Variants in TRMT9B observed in about 807,000 individuals in gnomAD.
TRMT9B encodes the protein probable tRNA methyltransferase 9B.
A neutral mutation model predicts 11.5 loss-of-function variants in TRMT9B; 16 were observed. The ratio of observed to expected loss-of-function variants is 1.39; its 90% CI spans 0.94 to 2.11. The LOEUF is 2.11. TRMT9B is among the 30% of genes most tolerant of loss of function. The pLI, the probability that TRMT9B is intolerant of heterozygous loss-of-function variation, is 0.00. For missense variants in TRMT9B, 941 were observed against 553.8 expected, an observed-to-expected ratio of 1.70 and a Z score of -7.02; for synonymous variants, 274 against 192.4, an observed-to-expected ratio of 1.42 and a Z score of -3.51.
rs1480290103 is a variant in TRMT9B at position 13,022,138 on chromosome 8, T to A, written c.*94T>A. ...CTGAATTTGCATTCAGTGTTATTTG[T>A]TAATCCATTTACGCTTTGGTCTGCA... On this transcript the variant is annotated 3_prime_UTR_variant, in exon 5 of 5. Transcript: ENST00000524591. The A allele has an allele frequency of 1.1e-6, 1 of 902,064 alleles. No homozygotes were observed. Among genetic ancestry groups the A allele is most frequent in the Non-Finnish European group, 1.7e-6 (1 of 599,684 alleles). 55.9% of individuals were successfully genotyped at this position (902,064 alleles called of 1,614,324 possible).
chr8:12,967,078 A>T (rs1295056265), intron 1 of TRMT9B, among the ~76,000 whole-genome samples: 1 of 152,212 alleles, frequency 6.6e-6, no homozygotes, highest in African/African-American at 2.4e-5. Context: ...TTAACAGTAC[A>T]CAAAATTCAA....
intron 3 of TRMT9B, chr8:13,012,340 GC>G: frequency 1.1e-6 from 1 of 920,134 alleles, no homozygotes; most frequent in East Asian, 1.1e-4. Context: ...ACTTTGGGAG[GC>G]CGAGGCAGGC....
intron 3 of TRMT9B, chr8:13,006,619 C>A (rs1278573976): frequency 8.0e-6 from 11 of 1,379,166 alleles, no homozygotes; most frequent in East Asian, 2.6e-5. Flanking sequence ...ACAGCAGAAA[C>A]TCGAGACAGT....
chr8:13,000,945 A>T (rs1205134291), intron 2 of TRMT9B, among the ~76,000 whole-genome samples: 1 of 152,108 alleles, frequency 6.6e-6, no homozygotes, highest in Non-Finnish European at 1.5e-5. Context: ...GTACTGTAAA[A>T]TGAACAGGTT....
chr8:12,984,302 G>C (rs1805902360), intron 1 of TRMT9B, among the ~76,000 whole-genome samples: 1 of 152,160 alleles, frequency 6.6e-6, no homozygotes, highest in Non-Finnish European at 1.5e-5. Context: ...AAGCACTTTG[G>C]TTAAGGGATA....
chr8:12,997,967 T>G (rs558726946), intron 2 of TRMT9B, among the ~76,000 whole-genome samples: 1 of 152,216 alleles, frequency 6.6e-6, no homozygotes, highest in East Asian at 1.9e-4. Context: ...GGGATCCTAT[T>G]GTGGCTTAAA....
Position 13,024,719 on chromosome 8 carries a change from T to G in TRMT9B, c.*2675T>G, listed in dbSNP as rs1014748622. The G allele has an allele frequency of 6.0e-6, 1 of 167,078 alleles. No individual in the cohort carries two copies. The highest frequency in any genetic ancestry group is 1.5e-5 in the Non-Finnish European group (1 of 68,130). 10.3% of individuals were successfully genotyped at this position (167,078 alleles called of 1,614,324 possible). Reference sequence around the variant, plus strand: ...GGTTCTTTGGAGAGAAATATTTTCATGTACGTTTGACAGGGGTGTAAATAA... The same window carrying G: ...GGTTCTTTGGAGAGAAATATTTTCAGGTACGTTTGACAGGGGTGTAAATAA... On this transcript the variant is annotated 3_prime_UTR_variant, in exon 5 of 5. Transcript: ENST00000524591.
At position 13,003,574 on chromosome 8, in the gene TRMT9B, T is replaced by C. The variant is rs746001532; in HGVS notation, c.-1-2628T>C. ...GTGGGTCATTGGGTATTATGGCTAA[T>C]GCTGAGGAAAGATGGTGAGAAATAA... is the stretch of plus-strand genomic sequence containing the variant. On this transcript the variant is annotated intron_variant, in intron 2 of 4. Coordinates refer to ENST00000524591, the MANE Select transcript of TRMT9B (RefSeq NM_020844.3). Among the ~76,000 whole-genome samples the C allele has an allele frequency of 2.0e-5, 3 of 151,978 alleles. 1 individual carries two copies. The highest frequency in any genetic ancestry group is 4.2e-4 in the South Asian group (2 of 4,814).
At chr8:12,997,407 C>G (rs1808560444) in intron 2 of TRMT9B, among the ~76,000 whole-genome samples, 3 of 152,100 alleles carry the variant, frequency 2.0e-5, no homozygotes, top group Admixed American at 2.0e-4. Context: ...TTCCTGAGGC[C>G]TCACCAGGAT....
chr8:12,952,768 C>A, intron 1 of TRMT9B: 1 of 776,994 alleles, frequency 1.3e-6, no homozygotes, highest in Non-Finnish European at 1.6e-6. Flanking sequence ...TTGACGGAGT[C>A]TCTCTCTGTC....
intron 1 of TRMT9B, chr8:12,970,294 T>C (rs1027205499): frequency 1.3e-5 from 2 of 152,272 alleles, no homozygotes; most frequent in Non-Finnish European, 2.9e-5. Context: ...CTGTTTTTTA[T>C]GTAAGCCTAT....
chr8:13,011,475 T>C, intron 3 of TRMT9B: 1 of 984,668 alleles, frequency 1.0e-6, no homozygotes, highest in Non-Finnish European at 1.2e-6. Context: ...GGTAGAAAAA[T>C]TTCATCAGTA....
chr8:12,985,528 C>G (rs544168196), intron 1 of TRMT9B, among the ~76,000 whole-genome samples: 1 of 152,280 alleles, frequency 6.6e-6, no homozygotes, highest in South Asian at 2.1e-4. Flanking sequence ...TATGCTTACC[C>G]CAGGCTGTGC....
rs1217570106 is a variant in TRMT9B at position 13,024,839 on chromosome 8, G to C, written c.*2795G>C. The C allele has an allele frequency of 6.0e-6, 1 of 166,906 alleles. No individual in the cohort carries two copies. Among genetic ancestry groups the C allele is most frequent in the African/African-American group, 2.4e-5 (1 of 41,424 alleles). The allele number at this position is 166,906 out of a possible 1,614,324, so 10.3% of individuals were successfully genotyped here. A position where few individuals can be genotyped will look rare whatever the true frequency, so the allele number is the denominator to read the frequency against. On this transcript the variant is annotated 3_prime_UTR_variant, in exon 5 of 5. Transcript: ENST00000524591. ...TTTGTATACAAATATTTAATTTGGT[G>C]ATTGATAATCTCTCTTTGGGGTAGT...
intron 1 of TRMT9B, among the ~76,000 whole-genome samples, chr8:12,950,922 C>T (rs1800557009): frequency 6.6e-6 from 1 of 152,188 alleles, no homozygotes; most frequent in Non-Finnish European, 1.5e-5. Context: ...AACCTCTATA[C>T]AAAGGGCGGC....
intron 3 of TRMT9B, chr8:13,010,284 G>T: frequency 1.1e-6 from 1 of 914,692 alleles, no homozygotes; most frequent in Non-Finnish European, 1.3e-6. Context: ...AATAAATAGG[G>T]TCATATTTTC....
At chr8:13,012,952 A>G (rs1811933340) in intron 4 of TRMT9B, 95 bp downstream of exon 4, 1 of 1,347,390 alleles carries the variant, frequency 7.4e-7, no homozygotes. Context: ...CTGTGTAGAA[A>G]TGTCAATGTA....
chr8:12,973,229 T>C (rs774035948), intron 1 of TRMT9B, among the ~76,000 whole-genome samples: 1 of 152,162 alleles, frequency 6.6e-6, no homozygotes, highest in Non-Finnish European at 1.5e-5. Context: ...CAACGCCCAG[T>C]TGGACACTGG....
chr8:12,993,573 T>G (rs570286797), intron 2 of TRMT9B, among the ~76,000 whole-genome samples: 2 of 152,192 alleles, frequency 1.3e-5, no homozygotes, highest in South Asian at 4.2e-4. Flanking sequence ...GCTGAGATAC[T>G]AGGGGATGGC....
Sources: gnomAD v4.1 joint callset for allele counts (sites outside exome capture counted in the v4.1 genomes callset) on GRCh38, gnomAD v4.1.1 for gene constraint, MANE v1.5 for transcripts, NCBI Gene and HGNC (gene_info 2026-07-23, HGNC 2026-07-21) for gene names.